Variants in PASD1 observed in about 807,000 individuals in gnomAD.
PASD1 encodes the protein PAS domain containing repressor 1.
In PASD1, 13 loss-of-function variants were observed where a neutral mutation model predicts 58.8. That is an observed-to-expected ratio of 0.22 (90% CI 0.14 to 0.35). The LOEUF is 0.35. PASD1 is among the 10% of genes least tolerant of loss of function. The probability of loss-of-function intolerance (pLI) is 1.00; values close to 1 mark genes in which losing one functional copy is unlikely to be tolerated. For synonymous variants in PASD1, 236 were observed against 216.7 expected (o/e 1.09, Z -0.78); for missense variants, 734 against 568.3 (o/e 1.29, Z -2.96).
intron 1 of PASD1, among the ~76,000 whole-genome samples, chrX:151,579,402 A>G (rs1259727336): frequency 8.9e-6 from 1 of 111,968 alleles, no homozygotes; most frequent in Admixed American, 9.5e-5. Context: ...TTACCCTTAC[A>G]TGAGTAATAA....
At chrX:151,572,310 G>A (rs1378737278) in intron 1 of PASD1, among the ~76,000 whole-genome samples, 1 of 111,423 alleles carries the variant, frequency 9.0e-6, no homozygotes, top group African/African-American at 3.3e-5. Context: ...ACCAGACACA[G>A]TGCCTTGCCC....
chrX:151,568,567 G>C (rs191369160), intron 1 of PASD1, among the ~76,000 whole-genome samples: 32 of 112,112 alleles, frequency 2.9e-4, no homozygotes, highest in Admixed American at 2.2e-3. Context: ...TCTTCTTTCT[G>C]CATTGATATT....
intron 1 of PASD1, among the ~76,000 whole-genome samples, chrX:151,593,253 TTTA>T: frequency 9.0e-6 from 1 of 110,618 alleles, no homozygotes; most frequent in Non-Finnish European, 1.9e-5. Flanking sequence ...TTTTTAAAAT[TTTA>T]TTATTATACT....
intron 8 of PASD1, among the ~76,000 whole-genome samples, chrX:151,626,183 AAAAG>A (rs1239485784): frequency 8.9e-6 from 1 of 111,976 alleles, no homozygotes; most frequent in Non-Finnish European, 1.9e-5. Context: ...TTTTTTCTTG[AAAAG>A]AAAGGTAATG....
chrX:151,591,315 A>G (rs957320986), intron 1 of PASD1, among the ~76,000 whole-genome samples: 1 of 111,946 alleles, frequency 8.9e-6, no homozygotes, highest in Non-Finnish European at 1.9e-5. Context: ...CTATGTATGT[A>G]TAGATGTGTG....
At chrX:151,652,532 CAAA>C (rs68106404) in intron 9 of PASD1, among the ~76,000 whole-genome samples, 1 of 69,183 alleles carries the variant, frequency 1.4e-5, no homozygotes, top group African/African-American at 4.9e-5. Flanking sequence ...GACTCCGTCT[CAAA>C]AAAAAAAAAA....
At chrX:151,623,091 C>A in intron 7 of PASD1, 27 bp downstream of exon 7, 1 of 1,201,092 alleles carries the variant, frequency 8.3e-7, no homozygotes, top group Middle Eastern at 2.4e-4. Flanking sequence ...TGTGCTTCCC[C>A]CGCTGTGGCG....
In PASD1 at chrX:151,621,001, T is replaced by G. The variant is rs758401189; in HGVS notation, c.279T>G (p.Ile93Met). ...DEEKDEVYQK[I>M]ILKFPLLNSE... ...AGAAAGATGAAGTCTACCAAAAGAT[T>G]ATTCTCAAATTTCCTTTACTAAACT... Residue 93 changes from isoleucine (I) to methionine (M), a missense_variant, in exon 5 of 16, where the codon ATT becomes ATG. Transcript: ENST00000370357. The G allele has an allele frequency of 1.8e-5, 21 of 1,199,199 alleles. No homozygotes were observed. Among genetic ancestry groups the G allele is most frequent in the Middle Eastern group, 2.3e-4 (1 of 4,331 alleles).
At chrX:151,603,067 C>G (rs972329439) in intron 2 of PASD1, among the ~76,000 whole-genome samples, 2 of 112,441 alleles carry the variant, frequency 1.8e-5, no homozygotes, top group African/African-American at 6.5e-5. Context: ...AATTATTGTA[C>G]TTGCAGATAC....
Position 151,671,057 on chromosome X carries a change from C to T in PASD1, c.1091C>T (p.Pro364Leu). Residue 364 changes from proline (P) to leucine (L), a missense_variant, in exon 12 of 16, where the codon CCA becomes CTA. Transcript: ENST00000370357. ...CCACAGCCATTACAGCCATCATCACCAGTTGCATATGACATCATTAGCCAG... is the reference window on the plus strand; with the variant it reads ...CCACAGCCATTACAGCCATCATCACTAGTTGCATATGACATCATTAGCCAG... ...ASAQPLQPSS[P>L]VAYDIISQEL... The T allele has an allele frequency of 1.7e-6, 2 of 1,210,633 alleles. No homozygotes were observed. Among genetic ancestry groups the T allele is most frequent in the Non-Finnish European group, 2.2e-6 (2 of 894,948 alleles).
chrX:151,672,158 T>A, intron 13 of PASD1, 25 bp from the exon 14 acceptor site: 1 of 1,136,814 alleles, frequency 8.8e-7, no homozygotes, highest in Non-Finnish European at 1.2e-6. Flanking sequence ...ACCAGGGTGC[T>A]TTTATCTGTT....
chrX:151,629,083 G>A (rs1392406952), intron 8 of PASD1, among the ~76,000 whole-genome samples: 1 of 111,417 alleles, frequency 9.0e-6, no homozygotes, highest in African/African-American at 3.3e-5. Context: ...AGCTTAAGGA[G>A]ATTTTGGGCT....
chrX:151,615,312 G>A (rs774226415), intron 4 of PASD1, among the ~76,000 whole-genome samples: 58 of 110,742 alleles, frequency 5.2e-4, no homozygotes, highest in African/African-American at 1.9e-3. Context: ...ACACACACAC[G>A]CCCCCCAAAA....
chrX:151,603,617 C>A (rs1418472420), intron 2 of PASD1, among the ~76,000 whole-genome samples: 1 of 110,831 alleles, frequency 9.0e-6, no homozygotes, highest in Admixed American at 9.6e-5. Context: ...ATTGAGTTTC[C>A]AAGCTGGGAC....
chrX:151,595,455 A>T (rs2013307797), intron 1 of PASD1, among the ~76,000 whole-genome samples: 1 of 111,015 alleles, frequency 9.0e-6, no homozygotes, highest in Non-Finnish European at 1.9e-5. Context: ...GCAGTGGCTT[A>T]CGCCTGTAAT....
At chrX:151,623,373 C>T (rs961357526) in intron 7 of PASD1, among the ~76,000 whole-genome samples, 6 of 111,418 alleles carry the variant, frequency 5.4e-5, no homozygotes, top group Non-Finnish European at 1.1e-4. Flanking sequence ...AGCATTTTGG[C>T]AGGTAGATGA....
At chrX:151,670,994 A>G (rs1385092877) in intron 11 of PASD1, 44 bp from the exon 12 acceptor site, 2 of 1,162,291 alleles carry the variant, frequency 1.7e-6, no homozygotes, top group Admixed American at 4.7e-5. Context: ...ACTTGGAGAA[A>G]CCAGTGTTGC....
chrX:151,620,218 T>C (rs777456937), intron 4 of PASD1, among the ~76,000 whole-genome samples: 1 of 112,123 alleles, frequency 8.9e-6, no homozygotes, highest in Non-Finnish European at 1.9e-5. Flanking sequence ...TGTATGCTTA[T>C]GGGAACACCC....
intron 4 of PASD1, among the ~76,000 whole-genome samples, chrX:151,618,277 A>T (rs945839236): frequency 5.4e-5 from 6 of 111,954 alleles, no homozygotes; most frequent in Admixed American, 9.5e-5. Flanking sequence ...GGCCATAAAG[A>T]TATATTTCTA....
Sources: allele counts gnomAD v4.1 joint callset (sites outside exome capture counted in the v4.1 genomes callset), GRCh38; gene constraint gnomAD v4.1.1; transcripts MANE v1.5; gene names NCBI Gene and HGNC (gene_info 2026-07-23, HGNC 2026-07-21).